CCDC171: variants seen among roughly 807,000 people sequenced by gnomAD.
CCDC171 encodes the protein coiled-coil domain containing 171, also known as coiled-coil domain-containing protein 171.
Under a neutral mutation model 168.2 loss-of-function variants are expected in CCDC171, and 177 were observed. The ratio of observed to expected loss-of-function variants is 1.05; its 90% CI spans 0.93 to 1.19. CCDC171 has a LOEUF of 1.19. CCDC171 is among the 50% of genes most tolerant of loss of function. CCDC171 has a pLI of 0.00. For synonymous variants in CCDC171, 687 were observed against 540.8 expected (o/e 1.27, Z -3.75); for missense variants, 1,991 against 1,539.0 (o/e 1.29, Z -4.91).
At chr9:15,690,085 G>T (rs2050683723) in intron 10 of CCDC171, among the ~76,000 whole-genome samples, 1 of 152,130 alleles carries the variant, frequency 6.6e-6, no homozygotes, top group Admixed American at 6.5e-5. Context: ...AAAGAAATGA[G>T]AATGGTGATT....
intron 24 of CCDC171, chr9:15,889,054 G>A (rs1408454747): frequency 1.4e-5 from 2 of 140,646 alleles, no homozygotes; most frequent in African/African-American, 5.1e-5. Context: ...CACCTCCCAG[G>A]TTTAAGCGAC....
chr9:15,783,571 C>T (rs1182852731), intron 20 of CCDC171, among the ~76,000 whole-genome samples: 1 of 152,142 alleles, frequency 6.6e-6, no homozygotes, highest in Non-Finnish European at 1.5e-5. Context: ...ACATATATTT[C>T]TCAGGTTATC....
intron 16 of CCDC171, among the ~76,000 whole-genome samples, chr9:15,740,514 A>G (rs2054800183): frequency 6.6e-6 from 1 of 151,976 alleles, no homozygotes; most frequent in Non-Finnish European, 1.5e-5. Context: ...GGGTTGCTGC[A>G]ACCTCTGCTT....
At chr9:15,664,704 T>G (rs1036911176) in intron 8 of CCDC171, among the ~76,000 whole-genome samples, 23 of 148,306 alleles carry the variant, frequency 1.6e-4, no homozygotes, top group East Asian at 3.9e-4. Flanking sequence ...GTTTTTTTTT[T>G]TTTTTTTTTT....
At chr9:16,046,164 G>A (rs181317333) in intron 1 of CCDC171, among the ~76,000 whole-genome samples, 1 of 152,320 alleles carries the variant, frequency 6.6e-6, no homozygotes, top group Admixed American at 6.5e-5. Context: ...ACTATGGGTT[G>A]GTGAGTGTGA....
At chr9:15,672,966 A>G (rs2049232874) in intron 9 of CCDC171, among the ~76,000 whole-genome samples, 1 of 152,154 alleles carries the variant, frequency 6.6e-6, no homozygotes, top group Admixed American at 6.5e-5. Context: ...TTTTCATGAT[A>G]TTGATTCTTC....
chr9:15,927,661 C>T (rs1310783431), intron 25 of CCDC171, among the ~76,000 whole-genome samples: 2 of 151,450 alleles, frequency 1.3e-5, no homozygotes, highest in East Asian at 3.9e-4. Context: ...AGATTTGATA[C>T]TTGTCAGGTG....
At chr9:15,606,025 T>A (rs2043203269) in intron 6 of CCDC171, among the ~76,000 whole-genome samples, 1 of 152,180 alleles carries the variant, frequency 6.6e-6, no homozygotes, top group African/African-American at 2.4e-5. Flanking sequence ...ATACCTATGA[T>A]AACGTTTAAT....
At chr9:15,879,483 A>G (rs528846845) in intron 24 of CCDC171, among the ~76,000 whole-genome samples, 14 of 152,242 alleles carry the variant, frequency 9.2e-5, no homozygotes, top group Admixed American at 2.0e-4. Flanking sequence ...TATACAATAA[A>G]TTATTGTTAA....
chr9:15,674,082 G>T (rs930442070), intron 9 of CCDC171, among the ~76,000 whole-genome samples: 2 of 152,050 alleles, frequency 1.3e-5, no homozygotes, highest in Non-Finnish European at 2.9e-5. Flanking sequence ...TCTTGGGAGG[G>T]TGTATGTGTC....
At chr9:15,990,441 G>A (rs1298575665) in intron 3 of CCDC171, among the ~76,000 whole-genome samples, 5 of 152,146 alleles carry the variant, frequency 3.3e-5, no homozygotes, top group South Asian at 4.1e-4. Context: ...AACATGGAAA[G>A]GAACAACCAG....
the CCDC171 span, among the ~76,000 whole-genome samples, chr9:16,069,967 T>C: frequency 1.8e-4 from 28 of 152,306 alleles, no homozygotes; most frequent in South Asian, 5.6e-3. Flanking sequence ...ATATTCATTC[T>C]GTCCGTCTGC....
At chr9:15,968,835 A>G (rs922613924) in intron 25 of CCDC171, among the ~76,000 whole-genome samples, 8 of 152,174 alleles carry the variant, frequency 5.3e-5, no homozygotes, top group African/African-American at 1.9e-4. Context: ...CACCATCCCC[A>G]GCCGGTGGCT....
chr9:15,623,475 G>GCGCGCGCGCGCGCGCGCACGCACA, intron 7 of CCDC171, 62 bp downstream of exon 7: 2 of 315,440 alleles, frequency 6.3e-6, no homozygotes, highest in South Asian at 5.7e-5. Context: ...GCGCGCGCGC[G>GCGCGCGCGCGCGCGCGCACGCACA]CACACACACA....
chr9:15,632,109 C>A (rs972792939), intron 7 of CCDC171, among the ~76,000 whole-genome samples: 12 of 151,776 alleles, frequency 7.9e-5, no homozygotes, highest in African/African-American at 2.4e-4. Flanking sequence ...GAAAACTGGC[C>A]CAAGACAGGG....
intron 24 of CCDC171, among the ~76,000 whole-genome samples, chr9:15,914,860 C>G (rs1563993406): frequency 1.3e-5 from 2 of 152,124 alleles, no homozygotes; most frequent in Non-Finnish European, 2.9e-5. Flanking sequence ...CACCATCCCT[C>G]ACGTCAGGGT....
intron 25 of CCDC171, among the ~76,000 whole-genome samples, chr9:15,962,027 A>C (rs1440967205): frequency 6.6e-6 from 1 of 152,214 alleles, no homozygotes; most frequent in African/African-American, 2.4e-5. Flanking sequence ...AAAGCAAAAG[A>C]ATAATAACAT....
At position 15,945,804 on chromosome 9, in the gene CCDC171, C is replaced by T. The variant is rs966288760; in HGVS notation, c.3753+25382C>T. Among the ~76,000 whole-genome samples, 80 of 151,746 alleles carry T rather than the reference C, an allele frequency of 5.3e-4. 2 individuals carry two copies. Among genetic ancestry groups the T allele is most frequent in the African/African-American group, 1.7e-3 (71 of 41,414 alleles). Reference sequence around the variant, plus strand: ...AGCCCTTTGTCAGATGTGTAGGTTGCGAAGATTTTCTCCCATTTTGTGGGT... The same window carrying T: ...AGCCCTTTGTCAGATGTGTAGGTTGTGAAGATTTTCTCCCATTTTGTGGGT... On this transcript the variant is annotated intron_variant, in intron 25 of 25. Coordinates refer to ENST00000380701, the MANE Select transcript of CCDC171 (RefSeq NM_173550.4).
intron 4 of CCDC171, among the ~76,000 whole-genome samples, chr9:15,590,351 A>G (rs935114146): frequency 2.6e-5 from 4 of 152,352 alleles, no homozygotes; most frequent in East Asian, 1.9e-4. Flanking sequence ...ATGTGTTTTT[A>G]TAAACATTTC....
Sources: allele counts gnomAD v4.1 joint callset (sites outside exome capture counted in the v4.1 genomes callset), GRCh38; gene constraint gnomAD v4.1.1; transcripts MANE v1.5; gene names NCBI Gene and HGNC (gene_info 2026-07-23, HGNC 2026-07-21).